The following ITIH6 variants were observed in gnomAD, a reference collection of about 807,000 sequenced individuals.
ITIH6 encodes inter-alpha-trypsin inhibitor heavy chain family member 6.
Under a neutral mutation model 58.2 loss-of-function variants are expected in ITIH6, and 60 were observed. The ratio of observed to expected loss-of-function variants is 1.03; its 90% CI spans 0.84 to 1.28. The LOEUF (loss-of-function observed/expected upper bound fraction) is 1.28. Among genes scored for constraint, ITIH6 ranks in the 50% most tolerant of loss-of-function variants. ITIH6 has a pLI of 0.00. For missense variants in ITIH6, 1,290 were observed against 1,021.1 expected, an observed-to-expected ratio of 1.26 and a Z score of -3.59; for synonymous variants, 493 against 417.4, an observed-to-expected ratio of 1.18 and a Z score of -2.21.
chrX:54,758,189 C>A lies in ITIH6; in HGVS notation c.1885G>T (p.Gly629Trp). 1 of 1,211,428 alleles carries A rather than the reference C, an allele frequency of 8.3e-7. No individual in the cohort carries two copies. Among genetic ancestry groups the A allele is most frequent in the Non-Finnish European group, 1.1e-6 (1 of 895,251 alleles). Residue 629 changes from glycine to tryptophan, a missense_variant, in exon 8 of 13, where the codon GGG (glycine) becomes TGG (tryptophan). By Grantham distance (184) the Gly-to-Trp change is radical. Transcript: ENST00000218436. Reference sequence around the variant, plus strand: ...GATGAGGGCATGATGGTGTCTGGCCCAGCAGAGGTGGAAGTCTGTCTCCTG... The same window carrying A: ...GATGAGGGCATGATGGTGTCTGGCCAAGCAGAGGTGGAAGTCTGTCTCCTG... ...ETRRQTSTSA[G>W]PDTIMPSSSS... is the part of the protein sequence containing the mutation.
intron 6 of ITIH6, among the ~76,000 whole-genome samples, chrX:54,765,909 T>G (rs919685078): frequency 9.0e-6 from 1 of 111,316 alleles, no homozygotes; most frequent in Non-Finnish European, 1.9e-5. Context: ...TTGAAAGTAG[T>G]TTATTCCAAT....
At chrX:54,772,030 A>G (rs1324234868) in intron 6 of ITIH6, among the ~76,000 whole-genome samples, 2 of 112,366 alleles carry the variant, frequency 1.8e-5, no homozygotes, top group Non-Finnish European at 3.8e-5. Flanking sequence ...TCGTTCTACC[A>G]TAAAGACTCA....
intron 5 of ITIH6, among the ~76,000 whole-genome samples, chrX:54,785,109 C>T (rs1357555995): frequency 1.2e-4 from 13 of 109,334 alleles, no homozygotes; most frequent in Non-Finnish European, 2.3e-4. Flanking sequence ...AGACAAATCT[C>T]GCATTTTTTA....
chrX:54,783,955 A>G (rs1929196075), intron 5 of ITIH6, among the ~76,000 whole-genome samples: 1 of 112,199 alleles, frequency 8.9e-6, no homozygotes, highest in Non-Finnish European at 1.9e-5. Context: ...AGCTATAGCA[A>G]CAAAAACAGA....
At chrX:54,794,178 C>T (rs1301507151) in intron 2 of ITIH6, among the ~76,000 whole-genome samples, 5 of 109,556 alleles carry the variant, frequency 4.6e-5, no homozygotes, top group Non-Finnish European at 9.5e-5. Context: ...TTGGCACCTC[C>T]CCAAGGTCTC....
rs35679081 is a variant in ITIH6 at position 54,774,204 on chromosome X, CAA to C, written c.787-9_787-8del. 0.093 allele frequency: 50,090 copies of C among 539,377 alleles called. 4 individuals are homozygous for C. Among genetic ancestry groups the C allele is most frequent in the East Asian group, 0.12 (2,294 of 19,714 alleles). The allele number at this position is 539,377 out of a possible 1,213,427, so 44.5% of individuals were successfully genotyped here. A position where few individuals can be genotyped will look rare whatever the true frequency, so the allele number is the denominator to read the frequency against. On this transcript the variant is annotated splice_region_variant and splice_polypyrimidine_tract_variant and intron_variant, in intron 5 of 12. Transcript: ENST00000218436. ...TGAAATAGTCATCGTAAATCTGGAC[CAA>C]AAAAAAAAAAAAAAAAGTAGAACCA...
intron 6 of ITIH6, among the ~76,000 whole-genome samples, chrX:54,768,649 G>A (rs371749230): frequency 1.8e-5 from 2 of 108,334 alleles, no homozygotes; most frequent in East Asian, 2.9e-4. Context: ...GCTTAGTTTG[G>A]CTGGATATGA....
chrX:54,766,163 G>T (rs1486371993), intron 6 of ITIH6, among the ~76,000 whole-genome samples: 2 of 110,608 alleles, frequency 1.8e-5, no homozygotes, highest in Non-Finnish European at 3.8e-5. Flanking sequence ...AATTGTGAAT[G>T]GGAGTTCACT....
chrX:54,777,603 CAGAGAGAG>C (rs56091331), intron 5 of ITIH6, among the ~76,000 whole-genome samples: 1 of 109,008 alleles, frequency 9.2e-6, no homozygotes, highest in African/African-American at 3.3e-5. Context: ...TGGCTCACAA[CAGAGAGAG>C]AGAGAGAGAG....
At chrX:54,754,736 G>A (rs908482876) in intron 9 of ITIH6, among the ~76,000 whole-genome samples, 1 of 112,014 alleles carries the variant, frequency 8.9e-6, no homozygotes, top group Admixed American at 9.4e-5. Flanking sequence ...ACGTGAATGA[G>A]TGTGGAAGAG....
intron 6 of ITIH6, among the ~76,000 whole-genome samples, chrX:54,761,572 T>C (rs1332455167): frequency 2.7e-5 from 3 of 111,686 alleles, no homozygotes; most frequent in African/African-American, 9.8e-5. Context: ...TGGTTTTAGG[T>C]CTAACATTTA....
At position 54,757,187 on chromosome X, in the gene ITIH6, C is replaced by A; in HGVS notation, c.2887G>T (p.Gly963Ter). 4 of 1,207,931 alleles carry A rather than the reference C, an allele frequency of 3.3e-6. No homozygotes were observed. Among genetic ancestry groups the A allele is most frequent in the Admixed American group, 2.2e-5 (1 of 45,823 alleles). The change falls in exon 8 of 13, where the codon GGA (glycine) becomes TGA (stop). Residue 963 changes from glycine (G) to a stop codon, truncating the protein, a stop_gained. Coordinates refer to ENST00000218436, the MANE Select transcript of ITIH6 (RefSeq NM_198510.3). LOFTEE classifies it high-confidence loss of function. ...TRQVLGPSRP[G>*]VPTMSLLNSS... is the part of the protein sequence containing the mutation. ...TTGAGTAGGCTCATTGTTGGAACTC[C>A]TGGCCTAGATGGTCCCAGAACTTGC... is the stretch of plus-strand genomic sequence containing the variant.
In ITIH6 at chrX:54,751,260, G is replaced by T. The variant is rs776190575; in HGVS notation, c.3473C>A (p.Thr1158Asn). 1 of 1,212,029 alleles carries T rather than the reference G, an allele frequency of 8.3e-7. No homozygotes were observed. Among genetic ancestry groups the T allele is most frequent in the South Asian group, 1.8e-5 (1 of 56,998 alleles). Residue 1158 changes from threonine (T) to asparagine (N), a missense_variant, in exon 12 of 13, where the codon ACC becomes AAC. Thr to Asn is a moderately conservative substitution (Grantham distance 65). Coordinates refer to ENST00000218436, the MANE Select transcript of ITIH6 (RefSeq NM_198510.3). ...TTDKPRAYTI[T>N]ISRSSISLRG... Reference sequence around the variant, plus strand: ...CAAAGATATAGAACTGCGGCTGATGGTGATAGTATAGGCCCGGGGTTTGTC... The same window carrying T: ...CAAAGATATAGAACTGCGGCTGATGTTGATAGTATAGGCCCGGGGTTTGTC...
intron 6 of ITIH6, among the ~76,000 whole-genome samples, chrX:54,763,480 T>C (rs1176962794): frequency 8.9e-6 from 1 of 112,267 alleles, no homozygotes; most frequent in African/African-American, 3.2e-5. Context: ...TTTCTGTAAT[T>C]GAATTCTAGT....
chrX:54,761,589 T>C (rs1447216454), intron 6 of ITIH6, among the ~76,000 whole-genome samples: 3 of 111,777 alleles, frequency 2.7e-5, no homozygotes, highest in Admixed American at 1.9e-4. Flanking sequence ...TTTAAGTCTT[T>C]AATCCGTCTT....
intron 2 of ITIH6, among the ~76,000 whole-genome samples, chrX:54,795,120 C>T (rs1929417685): frequency 8.9e-6 from 1 of 111,793 alleles, no homozygotes; most frequent in African/African-American, 3.3e-5. Flanking sequence ...CTCCTGGCCA[C>T]CTAGCCGGCC....
At position 54,759,850 on chromosome X, in the gene ITIH6, T is replaced by C. The variant is rs1426718713; in HGVS notation, c.981A>G (p.Thr327=). ...DYFNIISFSD[T]VNVWKAGGSI... ...AGCCTCCAGCTTTCCAAACATTAACTGTGTCAGAAAAGGAGATGATGTTGA... is the reference window on the plus strand; with the variant it reads ...AGCCTCCAGCTTTCCAAACATTAACCGTGTCAGAAAAGGAGATGATGTTGA... The change falls in exon 7 of 13, where the codon ACA becomes ACG. Residue 327 remains threonine (T), a synonymous_variant. Transcript: ENST00000218436. 2 of 1,209,937 alleles carry C rather than the reference T, an allele frequency of 1.7e-6. No individual in the cohort carries two copies. The highest frequency in any genetic ancestry group is 2.2e-6 in the Non-Finnish European group (2 of 893,797).
At chrX:54,773,972 G>A in intron 6 of ITIH6, 109 bp downstream of exon 6, 1 of 441,972 alleles carries the variant, frequency 2.3e-6, no homozygotes. Flanking sequence ...AGACTCAAGG[G>A]TCATGGGATG....
chrX:54,772,177 A>T (rs949117197), intron 6 of ITIH6, among the ~76,000 whole-genome samples: 1 of 112,584 alleles, frequency 8.9e-6, no homozygotes, highest in African/African-American at 3.2e-5. Flanking sequence ...ATAAAAAAGA[A>T]TGAAATCCTG....
Sources: allele counts gnomAD v4.1 joint callset (sites outside exome capture counted in the v4.1 genomes callset), GRCh38; gene constraint gnomAD v4.1.1; transcripts MANE v1.5; gene names NCBI Gene and HGNC (gene_info 2026-07-23, HGNC 2026-07-21).